ASH1L: variants seen among roughly 807,000 people sequenced by gnomAD.
The protein encoded by ASH1L is histone-lysine N-methyltransferase ASH1L.
A neutral mutation model predicts 269.0 loss-of-function variants in ASH1L; 23 were observed. The ratio of observed to expected loss-of-function variants is 0.09; its 90% confidence interval spans 0.06 to 0.12. The LOEUF (loss-of-function observed/expected upper bound fraction) is 0.12. ASH1L is among the 10% of genes least tolerant of loss of function. The pLI, the probability that ASH1L is intolerant of heterozygous loss-of-function variation, is 1.00. For missense variants in ASH1L, 2,912 were observed against 3,567.8 expected (o/e 0.82, Z 4.68); for synonymous variants, 1,187 against 1,253.5 (o/e 0.95, Z 1.12).
At chr1:155,442,456 G>A (rs1323556438) in intron 4 of ASH1L, among the ~76,000 whole-genome samples, 2 of 151,584 alleles carry the variant, frequency 1.3e-5, no homozygotes, top group Admixed American at 6.6e-5. Context: ...GGTCGCAGGC[G>A]CCTTTAATCC....
chr1:155,460,328 G>A (rs565850687), intron 3 of ASH1L, among the ~76,000 whole-genome samples: 4 of 152,182 alleles, frequency 2.6e-5, no homozygotes, highest in Admixed American at 6.5e-5. Context: ...TTGATGTGAG[G>A]GCCCAGCGCA....
intron 2 of ASH1L, among the ~76,000 whole-genome samples, chr1:155,498,155 T>C (rs1053620995): frequency 6.6e-6 from 1 of 152,128 alleles, no homozygotes; most frequent in African/African-American, 2.4e-5. Context: ...TGATTCCACT[T>C]ACATATGAGG....
chr1:155,508,054 T>C (rs1204721687), intron 2 of ASH1L, among the ~76,000 whole-genome samples: 1 of 152,088 alleles, frequency 6.6e-6, no homozygotes. Flanking sequence ...TCACGTATTA[T>C]GTAACTCCAA....
chr1:155,438,255 G>T, intron 5 of ASH1L, 72 bp downstream of exon 5: 1 of 1,393,318 alleles, frequency 7.2e-7, no homozygotes, highest in Non-Finnish European at 9.7e-7. Flanking sequence ...AAATAATTCA[G>T]CTATAGAGTT....
At chr1:155,490,519 G>A (rs1666691186) in intron 2 of ASH1L, among the ~76,000 whole-genome samples, 1 of 151,398 alleles carries the variant, frequency 6.6e-6, no homozygotes, top group Non-Finnish European at 1.5e-5. Context: ...TCTGAGGTAG[G>A]CTGAGGCAGA....
chr1:155,525,368 A>C (rs1423771148), intron 1 of ASH1L, among the ~76,000 whole-genome samples: 4 of 152,116 alleles, frequency 2.6e-5, no homozygotes, highest in Non-Finnish European at 1.5e-5. Context: ...TTTTTTCAAA[A>C]CCTAGTGATA....
chr1:155,337,751 G>A lies in ASH1L; in HGVS notation c.8804C>T (p.Ala2935Val). Reference sequence around the variant, plus strand: ...CTCCAGCAAGTAGGTCACATCAATGGCTGAAAACAGAACCAAGGAGGCTCA... The same window carrying A: ...CTCCAGCAAGTAGGTCACATCAATGACTGAAAACAGAACCAAGGAGGCTCA... ...NLLEKIPGKN[A>V]IDVTYLLEEG... The change falls in exon 28 of 28, where the codon GCC becomes GTC. Residue 2935 changes from alanine to valine, a missense_variant and splice_region_variant. Coordinates refer to ENST00000392403, the MANE Select transcript of ASH1L (RefSeq NM_018489.3). The A allele has an allele frequency of 6.2e-7, 1 of 1,613,446 alleles. No homozygotes were observed. Among genetic ancestry groups the A allele is most frequent in the Non-Finnish European group, 8.5e-7 (1 of 1,179,408 alleles).
intron 1 of ASH1L, among the ~76,000 whole-genome samples, chr1:155,535,233 A>ATT (rs112674447): frequency 7.1e-6 from 1 of 140,712 alleles, no homozygotes; most frequent in Non-Finnish European, 1.6e-5. Context: ...TTATCTGAGG[A>ATT]TTTTTTTTTT....
chr1:155,459,632 T>C (rs1664139947), intron 4 of ASH1L, among the ~76,000 whole-genome samples, 165 bp downstream of exon 4: 1 of 152,266 alleles, frequency 6.6e-6, no homozygotes, highest in Non-Finnish European at 1.5e-5. Context: ...TGTACATTAC[T>C]GATTCTCAAA....
Position 155,343,280 on chromosome 1 carries a change from C to G in ASH1L, c.8293+34G>C. ...ATCAGCGTGAGCCACTGCACTTGGC[C>G]GAGGTCATTTTTTAACTAGCCCAGA... On this transcript the variant is annotated intron_variant, in intron 24 of 27. Coordinates refer to ENST00000392403, the MANE Select transcript of ASH1L (RefSeq NM_018489.3). This position sits in a 1 kb window ranked among gnomAD's most constrained non-coding sequence, Gnocchi z 6.1. The G allele has an allele frequency of 6.3e-7, 1 of 1,588,444 alleles. No homozygotes were observed. Among genetic ancestry groups the G allele is most frequent in the Non-Finnish European group, 8.6e-7 (1 of 1,166,482 alleles).
intron 5 of ASH1L, among the ~76,000 whole-genome samples, chr1:155,430,842 C>G (rs555311205): frequency 5.9e-5 from 9 of 152,230 alleles, no homozygotes; most frequent in African/African-American, 2.2e-4. Context: ...AAGCTGGTCT[C>G]AAACTCCTGG....
chr1:155,404,437 G>T (rs2148507222), intron 6 of ASH1L, among the ~76,000 whole-genome samples: 1 of 152,252 alleles, frequency 6.6e-6, no homozygotes, highest in South Asian at 2.1e-4. Context: ...ACTTTGGAAG[G>T]ACAAGGCAGG....
intron 8 of ASH1L, among the ~76,000 whole-genome samples, chr1:155,378,786 G>A (rs1333624781): frequency 6.6e-6 from 1 of 152,148 alleles, no homozygotes; most frequent in East Asian, 1.9e-4. Context: ...TATACAAGTG[G>A]AATTACATGT....
At chr1:155,553,918 TC>T (rs1671393163) in intron 1 of ASH1L, among the ~76,000 whole-genome samples, 1 of 151,722 alleles carries the variant, frequency 6.6e-6, no homozygotes, top group African/African-American at 2.4e-5. Context: ...TGCCACAGCC[TC>T]CCGAGTAGCT....
intron 5 of ASH1L, chr1:155,433,520 C>A (rs1359336727): frequency 3.7e-6 from 6 of 1,610,030 alleles, no homozygotes; most frequent in Non-Finnish European, 5.1e-6. Flanking sequence ...CTCCCTGGAG[C>A]CCTGCACCGT....
chr1:155,472,916 A>G (rs1308390012), intron 3 of ASH1L, among the ~76,000 whole-genome samples: 1 of 152,156 alleles, frequency 6.6e-6, no homozygotes, highest in African/African-American at 2.4e-5. Flanking sequence ...GAGCTACCCA[A>G]GGCTGTTTGT....
At chr1:155,420,774 C>T (rs983099500) in intron 5 of ASH1L, among the ~76,000 whole-genome samples, 31 of 150,468 alleles carry the variant, frequency 2.1e-4, no homozygotes, top group African/African-American at 7.6e-4. Flanking sequence ...CACTTGAGCC[C>T]GGGAGGTGGA....
chr1:155,562,767 C>T lies in ASH1L; in HGVS notation c.-714G>A, dbSNP rs771005106. 2 of 940,162 alleles carry T rather than the reference C, an allele frequency of 2.1e-6. No individual in the cohort carries two copies. Among genetic ancestry groups the T allele is most frequent in the East Asian group, 2.8e-5 (1 of 35,230 alleles). 58.2% of individuals were successfully genotyped at this position (940,162 alleles called of 1,614,324 possible). ...CTGTCAAGCCGGCGCCGGCGCAGGC[C>T]CTCACGCGTACCTTCAACGGCGCAA... On this transcript the variant is annotated 5_prime_UTR_variant, in exon 1 of 28. Transcript: ENST00000392403.
At chr1:155,364,856 G>A (rs143892310) in intron 12 of ASH1L, among the ~76,000 whole-genome samples, 1,530 of 149,950 alleles carry the variant, frequency 0.01, 30 homozygotes, top group African/African-American at 0.035. Flanking sequence ...GCAGGTGAAC[G>A]GCTTGAACCT....
Sources: gnomAD v4.1 joint callset for allele counts (sites outside exome capture counted in the v4.1 genomes callset) on GRCh38, gnomAD v4.1.1 for gene constraint, Gnocchi (gnomAD v3.1) non-coding constraint, MANE v1.5 for transcripts, NCBI Gene and HGNC (gene_info 2026-07-23, HGNC 2026-07-21) for gene names.